The following ATOH8 variants were observed in gnomAD, a reference collection of about 807,000 sequenced individuals.
The protein encoded by ATOH8 is atonal bHLH transcription factor 8, also known as transcription factor ATOH8.
A neutral mutation model predicts 21.2 loss-of-function variants in ATOH8; 9 were observed. That is an observed-to-expected ratio of 0.42 (90% CI 0.26 to 0.74). ATOH8 has a LOEUF of 0.74. Ranked by LOEUF, ATOH8 falls within the 30% of genes least tolerant of loss-of-function variation. ATOH8 has a pLI of 0.24. For missense variants in ATOH8, 524 were observed against 470.9 expected, an observed-to-expected ratio of 1.11 and a Z score of -1.04; for synonymous variants, 253 against 224.0, an observed-to-expected ratio of 1.13 and a Z score of -1.16.
At chr2:85,763,960 T>G (rs760086734) in intron 1 of ATOH8, 31 bp from the exon 2 acceptor site, 110 of 1,603,506 alleles carry the variant, frequency 6.9e-5, no homozygotes, top group Non-Finnish European at 8.6e-5. Flanking sequence ...ACTGCGCCCC[T>G]GCAGCCCCTC....
chr2:85,786,520 C>T (rs1473412870), intron 2 of ATOH8, among the ~76,000 whole-genome samples: 1 of 152,196 alleles, frequency 6.6e-6, no homozygotes, highest in East Asian at 1.9e-4. Flanking sequence ...AGGAGCCTGC[C>T]ACCCCAGGGT....
intron 2 of ATOH8, among the ~76,000 whole-genome samples, chr2:85,780,016 G>A (rs1680440642): frequency 6.6e-6 from 1 of 152,194 alleles, no homozygotes; most frequent in Admixed American, 6.5e-5. Flanking sequence ...AAGAGCTTCG[G>A]GAGTTCAGAG....
In ATOH8 at chr2:85,790,315, C is replaced by T. The variant is rs1014874137; in HGVS notation, c.*3425C>T. On this transcript the variant is annotated 3_prime_UTR_variant, in exon 3 of 3. Transcript: ENST00000306279. Reference sequence around the variant, plus strand: ...GCATGAAGCCCCACGTGTGCACACCCATCTTCATGTGTGTGTGTGCCAGCC... The same window carrying T: ...GCATGAAGCCCCACGTGTGCACACCTATCTTCATGTGTGTGTGTGCCAGCC... Among the ~76,000 whole-genome samples the T allele has an allele frequency of 6.6e-6, 1 of 152,120 alleles. No individual in the cohort carries two copies. The highest frequency in any genetic ancestry group is 1.5e-5 in the Non-Finnish European group (1 of 68,014).
chr2:85,754,974 G>T lies in ATOH8; in HGVS notation c.768+17G>T. 5.1e-6 allele frequency: 8 copies of T among 1,575,482 alleles called. No homozygotes were observed. The highest frequency in any genetic ancestry group is 6.9e-6 in the Non-Finnish European group (8 of 1,167,060). Reference sequence around the variant, plus strand: ...AGGAAGCAGGTACCCGCTCGCCGCCGCACGCCCTCACTGCGCCGGGGGACG... The same window carrying T: ...AGGAAGCAGGTACCCGCTCGCCGCCTCACGCCCTCACTGCGCCGGGGGACG... On this transcript the variant is annotated intron_variant, in intron 1 of 2. Coordinates refer to ENST00000306279, the MANE Select transcript of ATOH8 (RefSeq NM_032827.7).
rs79922307 is a variant in ATOH8, at chr2:85,784,946, C to T, written c.961-1939C>T. On this transcript the variant is annotated intron_variant, in intron 2 of 2. Transcript: ENST00000306279. Reference sequence around the variant, plus strand: ...ATTCTTGGACCGAGGTGGTGGTGGTCCAGTGTAGACGCCAGGAAAAGGGTG... The same window carrying T: ...ATTCTTGGACCGAGGTGGTGGTGGTTCAGTGTAGACGCCAGGAAAAGGGTG... 3.1e-3 allele frequency among the ~76,000 whole-genome samples: 467 copies of T among 152,318 alleles called. 22 individuals carry two copies. In the East Asian group the frequency reaches 0.063, roughly 20 times the overall value.
At position 85,754,360 on chromosome 2, in the gene ATOH8, C is replaced by G. The variant is rs1389599137; in HGVS notation, c.171C>G (p.Thr57=). 1.2e-6 allele frequency: 2 copies of G among 1,606,436 alleles called. No individual in the cohort carries two copies. The highest frequency in any genetic ancestry group is 1.7e-5 in the Admixed American group (1 of 59,716). Residue 57 remains threonine, a synonymous_variant, in exon 1 of 3, where the codon ACC becomes ACG. Coordinates refer to ENST00000306279, the MANE Select transcript of ATOH8 (RefSeq NM_032827.7). ...CGCCCGAGCCCCGCGCCGTAGCCACCAACGGGCTGCGGGACAGGACCCATC... is the reference window on the plus strand; with the variant it reads ...CGCCCGAGCCCCGCGCCGTAGCCACGAACGGGCTGCGGGACAGGACCCATC... ...LEAPEPRAVA[T]NGLRDRTHRL... is the part of the protein sequence containing the mutation.
intron 2 of ATOH8, chr2:85,772,616 A>G: frequency 2.3e-6 from 1 of 429,908 alleles, no homozygotes; most frequent in Admixed American, 2.8e-5. Flanking sequence ...AAACCCTTTC[A>G]GAGCCTCATC....
At chr2:85,763,959 C>T (rs1251398578) in intron 1 of ATOH8, 32 bp from the exon 2 acceptor site, 23 of 1,604,356 alleles carry the variant, frequency 1.4e-5, no homozygotes, top group Non-Finnish European at 2.0e-5. Context: ...CACTGCGCCC[C>T]TGCAGCCCCT....
chr2:85,771,068 G>A (rs1160309494), intron 2 of ATOH8, among the ~76,000 whole-genome samples: 2 of 152,180 alleles, frequency 1.3e-5, no homozygotes, highest in Admixed American at 6.5e-5. Flanking sequence ...CTCTCGGGAC[G>A]CTGGAGAAGG....
chr2:85,787,154 A>G lies in ATOH8; in HGVS notation c.*264A>G. ...CAGCCCCCGACTCACTCAGACCCCA[A>G]GGCCCACTGTCCAGCTGCAGAAATT... On this transcript the variant is annotated 3_prime_UTR_variant, in exon 3 of 3. Transcript: ENST00000306279. 1 of 495,018 alleles carries G rather than the reference A, an allele frequency of 2.0e-6. No homozygotes were observed. 30.7% of individuals were successfully genotyped at this position (495,018 alleles called of 1,614,324 possible). A position where few individuals can be genotyped will look rare whatever the true frequency, so the allele number is the denominator to read the frequency against.
rs1680636805 is a variant in ATOH8 at position 85,786,988 on chromosome 2, C to T, written c.*98C>T. 6.5e-7 allele frequency: 1 copy of T among 1,535,648 alleles called. No homozygotes were observed. The highest frequency in any genetic ancestry group is 1.1e-5 in the South Asian group (1 of 87,768). ...GCTGAGTCCAGCCTCGTGGTCTTCT[C>T]CAAGATGCCGCCAGATGCCCAGCCT... is the stretch of plus-strand genomic sequence containing the variant. On this transcript the variant is annotated 3_prime_UTR_variant, in exon 3 of 3. Coordinates refer to ENST00000306279, the MANE Select transcript of ATOH8 (RefSeq NM_032827.7).
chr2:85,772,665 G>A, intron 2 of ATOH8: 2 of 455,276 alleles, frequency 4.4e-6, no homozygotes, highest in Middle Eastern at 3.3e-4. Context: ...CTGGTTTGGA[G>A]GCAGCAGGGA....
At chr2:85,764,382 C>T (rs1459952947) in intron 2 of ATOH8, among the ~76,000 whole-genome samples, 200 bp downstream of exon 2, 1 of 152,230 alleles carries the variant, frequency 6.6e-6, no homozygotes, top group Admixed American at 6.5e-5. Flanking sequence ...TGGTAACCGG[C>T]TGCTGGGTGA....
intron 2 of ATOH8, among the ~76,000 whole-genome samples, chr2:85,777,895 C>T (rs751757935): frequency 3.9e-5 from 6 of 152,266 alleles, no homozygotes; most frequent in African/African-American, 7.2e-5. Flanking sequence ...CCACAAATAC[C>T]GAAGGGCGGC....
Position 85,754,563 on chromosome 2 carries a change from C to T in ATOH8, c.374C>T (p.Pro125Leu), listed in dbSNP as rs1330944923. The change falls in exon 1 of 3, where the codon CCG becomes CTG. Residue 125 changes from proline (P) to leucine (L), a missense_variant. Physicochemically the swap from Pro to Leu is moderately conservative, Grantham distance 98. Transcript: ENST00000306279. ...GAVGPGLPTP[P>L]PPPPPAPQSQ... Reference sequence around the variant, plus strand: ...GTGGGGCCAGGACTCCCCACGCCGCCGCCGCCGCCGCCTCCTGCGCCCCAG... The same window carrying T: ...GTGGGGCCAGGACTCCCCACGCCGCTGCCGCCGCCGCCTCCTGCGCCCCAG... The T allele has an allele frequency of 1.4e-6, 2 of 1,439,124 alleles. No homozygotes were observed. Among genetic ancestry groups the T allele is most frequent in the South Asian group, 1.4e-5 (1 of 69,192 alleles). The allele number at this position is 1,439,124 out of a possible 1,614,324, so 89.1% of individuals were successfully genotyped here. A position where few individuals can be genotyped will look rare whatever the true frequency, so the allele number is the denominator to read the frequency against.
Position 85,754,780 on chromosome 2 carries a change from C to A in ATOH8, c.591C>A (p.His197Gln), listed in dbSNP as rs1469530185. ...AAAGTTCCTACTCGTCAATTTCACACGTAATTTACAATAACCACCAGGATT... is the reference window on the plus strand; with the variant it reads ...AAAGTTCCTACTCGTCAATTTCACAAGTAATTTACAATAACCACCAGGATT... ...PGESSYSSIS[H>Q]VIYNNHQDSS... is the part of the protein sequence containing the mutation. The change falls in exon 1 of 3, where the codon CAC (histidine) becomes CAA (glutamine). Residue 197 changes from histidine to glutamine, a missense_variant. Physicochemically the swap from His to Gln is conservative, Grantham distance 24 (BLOSUM62 0). Transcript: ENST00000306279. The A allele has an allele frequency of 6.2e-7, 1 of 1,612,890 alleles. No individual in the cohort carries two copies. The highest frequency in any genetic ancestry group is 1.1e-5 in the South Asian group (1 of 91,088).
chr2:85,775,813 C>T (rs905619394), intron 2 of ATOH8, among the ~76,000 whole-genome samples: 29 of 152,134 alleles, frequency 1.9e-4, no homozygotes, highest in African/African-American at 5.6e-4. Flanking sequence ...CCATGTGGCT[C>T]GTGTCTGGAG....
chr2:85,784,478 G>A (rs771122437), intron 2 of ATOH8, among the ~76,000 whole-genome samples: 2 of 152,056 alleles, frequency 1.3e-5, no homozygotes, highest in Non-Finnish European at 2.9e-5. Flanking sequence ...GAAGGTCAAG[G>A]CTATGCTGAG....
Position 85,754,004 on chromosome 2 carries a change from A to T in ATOH8, c.-186A>T. The T allele has an allele frequency of 1.7e-6, 1 of 574,678 alleles. No homozygotes were observed. The highest frequency in any genetic ancestry group is 2.8e-6 in the Non-Finnish European group (1 of 357,424). The allele number at this position is 574,678 out of a possible 1,614,324, so 35.6% of individuals were successfully genotyped here. ...GGCAGCGACTTCAGATGACACTCTG[A>T]GCGCTCCGGGAACGGACAGCCCGGC... is the stretch of plus-strand genomic sequence containing the variant. On this transcript the variant is annotated 5_prime_UTR_variant, in exon 1 of 3. The change abolishes the stop of an existing upstream ORF in the 5' untranslated region. Transcript: ENST00000306279.
Sources: allele counts gnomAD v4.1 joint callset (sites outside exome capture counted in the v4.1 genomes callset), GRCh38; gene constraint gnomAD v4.1.1; transcripts MANE v1.5; gene names NCBI Gene and HGNC (gene_info 2026-07-23, HGNC 2026-07-21).